The following NRXN1 variants were observed in gnomAD, a reference collection of about 807,000 sequenced individuals.
NRXN1 encodes neurexin-1.
Under a neutral mutation model 150.9 loss-of-function variants are expected in NRXN1, and 39 were observed. That is an observed-to-expected ratio of 0.26 (90% confidence interval 0.20 to 0.34). The LOEUF is 0.34. Ranked by LOEUF, NRXN1 falls within the 10% of genes least tolerant of loss-of-function variation. The probability of loss-of-function intolerance (pLI) is 1.00; values close to 1 mark genes in which losing one functional copy is unlikely to be tolerated. For synonymous variants in NRXN1, 924 were observed against 757.0 expected (o/e 1.22, Z -3.62); for missense variants, 1,815 against 1,949.9 (o/e 0.93, Z 1.30).
chr2:50,445,618 T>C (rs1225951234), intron 17 of NRXN1, among the ~76,000 whole-genome samples: 2 of 152,216 alleles, frequency 1.3e-5, no homozygotes, highest in Non-Finnish European at 2.9e-5. Context: ...GTATCCTTAG[T>C]GTATTAGGAT....
intron 17 of NRXN1, among the ~76,000 whole-genome samples, chr2:50,253,928 T>C (rs2067424013): frequency 6.6e-6 from 1 of 150,518 alleles, no homozygotes; most frequent in South Asian, 2.1e-4. Flanking sequence ...GCTGGCCCCA[T>C]AAAATGAGTT....
At chr2:50,050,276 T>A (rs1442851280) in intron 21 of NRXN1, among the ~76,000 whole-genome samples, 1 of 151,770 alleles carries the variant, frequency 6.6e-6, no homozygotes, top group Non-Finnish European at 1.5e-5. Flanking sequence ...AAAACTGAAA[T>A]ACATTTCTTC....
chr2:50,504,770 C>A (rs1270790144), intron 13 of NRXN1, among the ~76,000 whole-genome samples: 1 of 152,122 alleles, frequency 6.6e-6, no homozygotes, highest in Non-Finnish European at 1.5e-5. Context: ...GAAATATAAA[C>A]TACTTCATCT....
intron 17 of NRXN1, among the ~76,000 whole-genome samples, chr2:50,458,108 G>GA (rs1310503787): frequency 1.2e-4 from 18 of 151,952 alleles, no homozygotes; most frequent in African/African-American, 3.1e-4. Flanking sequence ...AACGGATAAA[G>GA]AAAAAAATGG....
At chr2:50,114,387 G>A (rs1350784959) in intron 18 of NRXN1, among the ~76,000 whole-genome samples, 1 of 152,142 alleles carries the variant, frequency 6.6e-6, no homozygotes, top group Admixed American at 6.5e-5. Flanking sequence ...TAGAGCAACA[G>A]GAACTCATTC....
At chr2:50,051,378 A>G (rs1161517198) in intron 21 of NRXN1, among the ~76,000 whole-genome samples, 2 of 152,096 alleles carry the variant, frequency 1.3e-5, no homozygotes, top group African/African-American at 4.8e-5. Flanking sequence ...TGATAAAACA[A>G]GACTACTAAG....
intron 12 of NRXN1, among the ~76,000 whole-genome samples, chr2:50,511,649 C>T (rs1159388927): frequency 6.6e-6 from 1 of 152,144 alleles, no homozygotes; most frequent in Non-Finnish European, 1.5e-5. Context: ...CCTACCCATC[C>T]ATAAATTCAA....
chr2:50,005,716 C>A (rs933961919), intron 21 of NRXN1, among the ~76,000 whole-genome samples: 1 of 152,088 alleles, frequency 6.6e-6, no homozygotes. Context: ...CTCTAAACAT[C>A]TGCTCAAAAT....
chr2:50,275,010 G>C (rs2070252748), intron 17 of NRXN1, among the ~76,000 whole-genome samples: 1 of 152,158 alleles, frequency 6.6e-6, no homozygotes, highest in Admixed American at 6.6e-5. Context: ...ACAAGGTATT[G>C]ACCATGGTTT....
chr2:50,529,123 C>G (rs1027021288), intron 11 of NRXN1, among the ~76,000 whole-genome samples: 2 of 152,166 alleles, frequency 1.3e-5, no homozygotes, highest in Non-Finnish European at 2.9e-5. Flanking sequence ...AAATGGAAAG[C>G]AAGTTAAAAT....
Position 50,019,276 on chromosome 2 carries a change from T to C in NRXN1, c.4128+33995A>G, listed in dbSNP as rs1305166972. The C allele has an allele frequency of 6.4e-6, 3 of 471,398 alleles. No homozygotes were observed. The East Asian group carries it at 2.1e-4, about 33-fold the overall frequency. 29.2% of individuals were successfully genotyped at this position (471,398 alleles called of 1,614,324 possible). On this transcript the variant is annotated intron_variant, in intron 21 of 22. Transcript: ENST00000401669. ...GGGTTTTGGCCTGTTCTCCATAAGT[T>C]TGAAAGCTGTTTGAGGACAGGGATA...
chr2:50,986,316 A>G (rs1386500585), intron 2 of NRXN1, among the ~76,000 whole-genome samples: 1 of 151,748 alleles, frequency 6.6e-6, no homozygotes, highest in Non-Finnish European at 1.5e-5. Context: ...TCATTTTTAT[A>G]AATAAAAAAT....
At position 50,504,209 on chromosome 2, in the gene NRXN1, T is replaced by C. The variant is rs2092108270; in HGVS notation, c.2497+2286A>G. ...TGTGCTGGAGGGGAAAAATGCTTAT[T>C]GCGTATTGATAACATTGAATCAACT... On this transcript the variant is annotated intron_variant, in intron 13 of 22. Coordinates refer to ENST00000401669, the MANE Select transcript of NRXN1 (RefSeq NM_001330078.2). Among the ~76,000 whole-genome samples the C allele has an allele frequency of 3.3e-5, 5 of 151,444 alleles. No individual in the cohort carries two copies. In the South Asian group the frequency reaches 1.0e-3, roughly 31 times the overall value.
Position 50,053,550 on chromosome 2 carries a change from T to G in NRXN1, c.3849A>C (p.Ile1283=). The G allele has an allele frequency of 6.2e-7, 1 of 1,614,064 alleles. No individual in the cohort carries two copies. Among genetic ancestry groups the G allele is most frequent in the Non-Finnish European group, 8.5e-7 (1 of 1,179,930 alleles). The change falls in exon 21 of 23, where the codon ATA becomes ATC. Residue 1283 remains isoleucine (I), a synonymous_variant. Transcript: ENST00000401669. The part of the protein sequence containing the change: ...LTIFNSQATI[I]IGGKEQGQPF... Reference sequence around the variant, plus strand: ...GCTGGCCCTGCTCTTTCCCGCCAATTATTATGGTTGCTTGGCTATTGAAGA... The same window carrying G: ...GCTGGCCCTGCTCTTTCCCGCCAATGATTATGGTTGCTTGGCTATTGAAGA...
chr2:50,706,830 A>G (rs1267018758), intron 5 of NRXN1, among the ~76,000 whole-genome samples: 2 of 148,670 alleles, frequency 1.3e-5, no homozygotes, highest in African/African-American at 2.5e-5. Context: ...TTTTTTTGCT[A>G]CAAGGCAAGG....
At chr2:50,651,743 T>C (rs996849141) in intron 5 of NRXN1, among the ~76,000 whole-genome samples, 3 of 152,028 alleles carry the variant, frequency 2.0e-5, no homozygotes, top group African/African-American at 7.2e-5. Flanking sequence ...CCCTTCTTTT[T>C]TCCATTACTC....
chr2:50,655,469 C>G (rs1686292579), intron 5 of NRXN1, among the ~76,000 whole-genome samples: 1 of 151,908 alleles, frequency 6.6e-6, no homozygotes, highest in Non-Finnish European at 1.5e-5. Flanking sequence ...AAATCTGACC[C>G]AGTCCAATCT....
At chr2:50,528,558 CT>C in intron 12 of NRXN1, 66 bp downstream of exon 12, 1 of 908,406 alleles carries the variant, frequency 1.1e-6, no homozygotes, top group Admixed American at 2.3e-5. Flanking sequence ...CTCTCTCTCT[CT>C]TTTTCTTGAC....
intron 5 of NRXN1, among the ~76,000 whole-genome samples, chr2:50,863,087 C>A (rs2106043110): frequency 6.6e-6 from 1 of 151,968 alleles, no homozygotes; most frequent in South Asian, 2.1e-4. Flanking sequence ...TGATGGGGTA[C>A]CTGATTTTTG....
Sources: gnomAD v4.1 joint callset for allele counts (sites outside exome capture counted in the v4.1 genomes callset) on GRCh38, gnomAD v4.1.1 for gene constraint, MANE v1.5 for transcripts, NCBI Gene and HGNC (gene_info 2026-07-23, HGNC 2026-07-21) for gene names.